USP3: variants seen among roughly 807,000 people sequenced by gnomAD.
USP3 encodes the protein ubiquitin specific peptidase 3, also known as ubiquitin carboxyl-terminal hydrolase 3.
In USP3, 20 loss-of-function variants were observed where a neutral mutation model predicts 72.3. The observed-to-expected ratio is 0.28, with a 90% CI of 0.19 to 0.40. The LOEUF (loss-of-function observed/expected upper bound fraction) is 0.40. Ranked by LOEUF, USP3 falls within the 10% of genes least tolerant of loss-of-function variation. The pLI is 1.00. For missense variants in USP3, 479 were observed against 633.9 expected (o/e 0.76, Z 2.62); for synonymous variants, 222 against 225.3 (o/e 0.99, Z 0.13).
intron 3 of USP3, chr15:63,541,909 T>TTTTA (rs954934383): frequency 1.5e-5 from 4 of 274,976 alleles, no homozygotes; most frequent in South Asian, 1.4e-4. Context: ...GCATAAGAGG[T>TTTTA]TTTATTTATT....
chr15:63,525,174 C>T (rs1401449374), intron 1 of USP3, among the ~76,000 whole-genome samples: 2 of 152,132 alleles, frequency 1.3e-5, no homozygotes, highest in East Asian at 3.9e-4. Context: ...CCAAGATAAA[C>T]TTTGCTTCAT....
chr15:63,529,070 G>A lies in USP3; in HGVS notation c.92-3577G>A, dbSNP rs2066027758. 7.8e-7 allele frequency: 1 copy of A among 1,288,110 alleles called. No homozygotes were observed. The highest frequency in any genetic ancestry group is 1.0e-6 in the Non-Finnish European group (1 of 987,928). The allele number at this position is 1,288,110 out of a possible 1,614,324, so 79.8% of individuals were successfully genotyped here. A position where few individuals can be genotyped will look rare whatever the true frequency, so the allele number is the denominator to read the frequency against. On this transcript the variant is annotated intron_variant, in intron 1 of 14. Transcript: ENST00000380324. This position sits in a 1 kb window ranked among gnomAD's most constrained non-coding sequence, Gnocchi z 4.2. ...ATGCCCTCAGAGAGTACTGTATGTTGCCCAGGCTGGCCTCGAACTCTAGGC... is the reference window on the plus strand; with the variant it reads ...ATGCCCTCAGAGAGTACTGTATGTTACCCAGGCTGGCCTCGAACTCTAGGC...
chr15:63,551,368 T>C (rs1467081236), intron 3 of USP3: 1 of 151,788 alleles, frequency 6.6e-6, no homozygotes, highest in Non-Finnish European at 1.5e-5. Context: ...AAAATTTTTC[T>C]ATTTTTAATT....
Position 63,588,884 on chromosome 15 carries a change from G to A in USP3, c.1330-60G>A. 1.9e-6 allele frequency: 3 copies of A among 1,610,896 alleles called. No individual in the cohort carries two copies. The highest frequency in any genetic ancestry group is 2.2e-5 in the South Asian group (2 of 91,000). On this transcript the variant is annotated intron_variant, in intron 13 of 14. Transcript: ENST00000380324. This position sits in a 1 kb window ranked among gnomAD's most constrained non-coding sequence, Gnocchi z 4.6. ...AGTAAGATTGTCATCACATGGAGAG[G>A]GTAGAGGTCATCGAGATACTGATGT... is the stretch of plus-strand genomic sequence containing the variant.
Position 63,558,084 on chromosome 15 carries a change from C to T in USP3, c.451-22C>T, listed in dbSNP as rs756251770. 3 of 1,613,722 alleles carry T rather than the reference C, an allele frequency of 1.9e-6. No homozygotes were observed. The East Asian group carries it at 6.7e-5, about 36-fold the overall frequency. Reference sequence around the variant, plus strand: ...GGCCTTCCCTTGGCATTACTGATGGCCTCTTCTTGCACCACTTACAGGGAA... The same window carrying T: ...GGCCTTCCCTTGGCATTACTGATGGTCTCTTCTTGCACCACTTACAGGGAA... On this transcript the variant is annotated intron_variant, in intron 5 of 14. Coordinates refer to ENST00000380324, the MANE Select transcript of USP3 (RefSeq NM_006537.4).
At chr15:63,547,332 C>G (rs2066344312) in intron 3 of USP3, among the ~76,000 whole-genome samples, 1 of 152,054 alleles carries the variant, frequency 6.6e-6, no homozygotes, top group Admixed American at 6.5e-5. Context: ...CTCTTAGTGA[C>G]TGACTATAGG....
chr15:63,549,494 C>A (rs940935664), intron 3 of USP3, among the ~76,000 whole-genome samples: 1 of 152,094 alleles, frequency 6.6e-6, no homozygotes, highest in Non-Finnish European at 1.5e-5. Context: ...TCATATAAAT[C>A]GAAAATCAAC....
At chr15:63,573,983 T>C in intron 9 of USP3, 63 bp from the exon 10 acceptor site, 9 of 1,213,720 alleles carry the variant, frequency 7.4e-6, no homozygotes, top group Non-Finnish European at 1.0e-5. Context: ...TATTTGTAGT[T>C]TTTTAAATGT....
Position 63,520,052 on chromosome 15 carries a change from A to G in USP3, c.92-12595A>G, listed in dbSNP as rs1390945400. Reference sequence around the variant, plus strand: ...GCCTGTTGCAGCCTTGGAATTAGCCATTTCTCCAAGTAGCCCTCATTCTTT... The same window carrying G: ...GCCTGTTGCAGCCTTGGAATTAGCCGTTTCTCCAAGTAGCCCTCATTCTTT... On this transcript the variant is annotated intron_variant, in intron 1 of 14. Coordinates refer to ENST00000380324, the MANE Select transcript of USP3 (RefSeq NM_006537.4). Among the ~76,000 whole-genome samples the G allele has an allele frequency of 6.6e-5, 10 of 152,210 alleles. No individual in the cohort carries two copies. The South Asian group carries it at 2.1e-3, about 32-fold the overall frequency.
At chr15:63,556,969 GCTC>G (rs2066521009) in intron 5 of USP3, 1 of 407,658 alleles carries the variant, frequency 2.5e-6, no homozygotes, top group Admixed American at 3.8e-5. Context: ...TTACTGCTGT[GCTC>G]CTCTTCCCTA....
At chr15:63,537,262 T>C in intron 3 of USP3, 106 bp downstream of exon 3, 1 of 1,288,296 alleles carries the variant, frequency 7.8e-7, no homozygotes, top group Non-Finnish European at 1.0e-6. Flanking sequence ...TGTTACCTCC[T>C]TTTACAACTG....
intron 8 of USP3, among the ~76,000 whole-genome samples, chr15:63,569,743 G>A (rs1260607857): frequency 1.3e-5 from 2 of 151,868 alleles, no homozygotes; most frequent in Admixed American, 6.6e-5. Context: ...CTATATATTC[G>A]TATAAGAATT....
chr15:63,514,335 T>C (rs969848925), intron 1 of USP3, among the ~76,000 whole-genome samples: 1 of 152,206 alleles, frequency 6.6e-6, no homozygotes, highest in African/African-American at 2.4e-5. Context: ...TTCCGACTCT[T>C]GGTTTTGGTT....
chr15:63,529,282 CT>C lies in USP3; in HGVS notation c.92-3364del. ...AGTACTTTATTCCCTTTTACTTTCT[CT>C]CCTTATCATTACGTATCTGTCTGTC... On this transcript the variant is annotated intron_variant, in intron 1 of 14. Coordinates refer to ENST00000380324, the MANE Select transcript of USP3 (RefSeq NM_006537.4). The surrounding 1 kb of genome is among the most constrained non-coding windows in gnomAD (Gnocchi z 4.2). 5.3e-6 allele frequency: 2 copies of C among 374,514 alleles called. No homozygotes were observed. Among genetic ancestry groups the C allele is most frequent in the Non-Finnish European group, 1.0e-5 (2 of 196,476 alleles). 23.2% of individuals were successfully genotyped at this position (374,514 alleles called of 1,614,324 possible). A position where few individuals can be genotyped will look rare whatever the true frequency, so the allele number is the denominator to read the frequency against.
intron 1 of USP3, among the ~76,000 whole-genome samples, chr15:63,511,927 A>G (rs1207046413): frequency 1.3e-5 from 2 of 151,752 alleles, no homozygotes; most frequent in African/African-American, 4.8e-5. Context: ...TTTAGACCAT[A>G]AAAACTAAAA....
intron 1 of USP3, among the ~76,000 whole-genome samples, chr15:63,525,821 G>T (rs917482876): frequency 2.0e-5 from 3 of 152,154 alleles, no homozygotes; most frequent in African/African-American, 7.2e-5. Context: ...GAATTTTTAT[G>T]ATGATACTGC....
chr15:63,581,550 ATTT>A (rs56376454), intron 11 of USP3, among the ~76,000 whole-genome samples: 5 of 107,500 alleles, frequency 4.7e-5, no homozygotes, highest in African/African-American at 1.1e-4. Context: ...CACCCGGCTA[ATTT>A]TTTTTTTTTT....
At chr15:63,505,737 G>T (rs1473503654) in intron 1 of USP3, among the ~76,000 whole-genome samples, 2 of 152,128 alleles carry the variant, frequency 1.3e-5, no homozygotes, top group African/African-American at 4.8e-5. Context: ...TTACTTCCTG[G>T]TAGGGCCCTG....
intron 11 of USP3, among the ~76,000 whole-genome samples, chr15:63,581,571 T>C (rs1355839733): frequency 6.8e-6 from 1 of 147,578 alleles, no homozygotes; most frequent in African/African-American, 2.5e-5. Flanking sequence ...TTTTTTTTTT[T>C]TGGATTTTTG....
Sources: allele counts gnomAD v4.1 joint callset (sites outside exome capture counted in the v4.1 genomes callset), GRCh38; gene constraint gnomAD v4.1.1; non-coding constraint Gnocchi (gnomAD v3.1); transcripts MANE v1.5; gene names NCBI Gene and HGNC (gene_info 2026-07-23, HGNC 2026-07-21).